CRYBG1: variants seen among roughly 807,000 people sequenced by gnomAD.
CRYBG1 encodes beta/gamma crystallin domain-containing protein 1.
A neutral mutation model predicts 189.2 loss-of-function variants in CRYBG1; 139 were observed. The observed-to-expected ratio is 0.73, with a 90% CI of 0.64 to 0.85. CRYBG1 has a LOEUF of 0.85. Ranked by LOEUF, CRYBG1 falls within the 40% of genes least tolerant of loss-of-function variation. The pLI, the probability that CRYBG1 is intolerant of heterozygous loss-of-function variation, is 0.00. For missense variants in CRYBG1, 2,611 were observed against 2,675.8 expected, an observed-to-expected ratio of 0.98 and a Z score of 0.53; for synonymous variants, 1,023 against 1,017.1, an observed-to-expected ratio of 1.01 and a Z score of -0.11.
chr6:106,521,709 A>ATTTTTT (rs1430149241), intron 4 of CRYBG1, among the ~76,000 whole-genome samples: 3 of 82,248 alleles, frequency 3.6e-5, no homozygotes, highest in African/African-American at 1.4e-4. Flanking sequence ...AAGGCACATG[A>ATTTTTT]TCTTTTTTTT....
Position 106,517,481 on chromosome 6 carries a change from TATAC to T in CRYBG1, c.1923-1648_1923-1645del, listed in dbSNP as rs1562099321. ...ATATATATACACACACACATATATA[TATAC>T]ACACACACACACATATATATATATA... is the stretch of plus-strand genomic sequence containing the variant. On this transcript the variant is annotated intron_variant, in intron 3 of 21. Coordinates refer to ENST00000633556, the MANE Select transcript of CRYBG1 (RefSeq NM_001371242.2). 4.1e-5 allele frequency among the ~76,000 whole-genome samples: 6 copies of T among 147,992 alleles called. No homozygotes were observed. In the East Asian group the frequency reaches 1.4e-3, roughly 35 times the overall value.
Position 106,552,221 on chromosome 6 carries a change from CTT to C in CRYBG1, c.5472+7_5472+8del. ...GGCCCAAGGAGACGAAATCAGGTAA[CTT>C]TAAAAATATTCTTTTATATTAATAT... On this transcript the variant is annotated splice_donor_region_variant and intron_variant, in intron 15 of 21. Transcript: ENST00000633556. The C allele has an allele frequency of 3.3e-6, 5 of 1,538,236 alleles. No individual in the cohort carries two copies. Among genetic ancestry groups the C allele is most frequent in the Non-Finnish European group, 4.4e-6 (5 of 1,131,362 alleles).
Position 106,530,179 on chromosome 6 carries a change from TACAGAGTTAGTC to T in CRYBG1, c.4586_4597del (p.Arg1529_His1532del). ...CTATGCATCTATATTTTTTCAGGAT[TACAGAGTTAGTC>T]ACATTGACTTATTTACTGAACCAGA... On this transcript the variant is annotated inframe_deletion, in exon 8 of 22. Transcript: ENST00000633556. The T allele has an allele frequency of 5.0e-6, 8 of 1,609,950 alleles. No homozygotes were observed. The highest frequency in any genetic ancestry group is 4.2e-6 in the Non-Finnish European group (5 of 1,177,878).
intron 1 of CRYBG1, among the ~76,000 whole-genome samples, chr6:106,397,844 T>G (rs1040001041): frequency 4.6e-5 from 7 of 152,158 alleles, no homozygotes; most frequent in Non-Finnish European, 8.8e-5. Flanking sequence ...AATCCTATAT[T>G]TTTACCTTTT....
chr6:106,485,160 CT>C (rs1772571384), intron 2 of CRYBG1, among the ~76,000 whole-genome samples: 1 of 151,916 alleles, frequency 6.6e-6, no homozygotes, highest in African/African-American at 2.4e-5. Flanking sequence ...TTGTGTTCTT[CT>C]TCAATTTCTT....
intron 1 of CRYBG1, among the ~76,000 whole-genome samples, chr6:106,441,351 G>A (rs1771563758): frequency 6.6e-6 from 1 of 152,102 alleles, no homozygotes; most frequent in African/African-American, 2.4e-5. Context: ...ATGGAGAGCA[G>A]GGATACTGTG....
intron 2 of CRYBG1, among the ~76,000 whole-genome samples, chr6:106,453,879 A>T (rs182766153): frequency 2.0e-5 from 3 of 152,316 alleles, no homozygotes; most frequent in Admixed American, 6.5e-5. Context: ...GAAGCCGCAG[A>T]TGAACTGGGA....
At chr6:106,559,621 TA>T (rs1338479381) in intron 18 of CRYBG1, among the ~76,000 whole-genome samples, 57 of 151,848 alleles carry the variant, frequency 3.8e-4, no homozygotes, top group African/African-American at 1.2e-3. Context: ...CTGTCTCTAC[TA>T]AAAAATACAA....
At chr6:106,488,866 G>A (rs1772652465) in intron 2 of CRYBG1, among the ~76,000 whole-genome samples, 1 of 152,170 alleles carries the variant, frequency 6.6e-6, no homozygotes, top group East Asian at 1.9e-4. Flanking sequence ...GGATGGATTG[G>A]TGGAAGGCAG....
intron 1 of CRYBG1, among the ~76,000 whole-genome samples, chr6:106,361,630 C>A (rs1771871113): frequency 6.6e-6 from 1 of 152,148 alleles, no homozygotes; most frequent in African/African-American, 2.4e-5. Context: ...ATGGCTTCTC[C>A]CCATTGGAGC....
At chr6:106,416,946 T>C (rs1771032315) in intron 1 of CRYBG1, among the ~76,000 whole-genome samples, 1 of 151,768 alleles carries the variant, frequency 6.6e-6, no homozygotes, top group African/African-American at 2.4e-5. Flanking sequence ...TTGAATTGTT[T>C]TACATTGAGT....
chr6:106,552,324 G>A (rs537982146), intron 15 of CRYBG1, 108 bp downstream of exon 15: 37 of 763,460 alleles, frequency 4.8e-5, no homozygotes, highest in South Asian at 3.6e-4. Context: ...GGTGGCTCAC[G>A]CCTGTAATCC....
intron 1 of CRYBG1, among the ~76,000 whole-genome samples, chr6:106,443,041 ACACT>A (rs1339771659): frequency 2.0e-5 from 3 of 152,194 alleles, no homozygotes; most frequent in Non-Finnish European, 4.4e-5. Context: ...GCTGCAGGAG[ACACT>A]CAGTAGCAGA....
At chr6:106,502,808 G>A (rs1773036526) in intron 2 of CRYBG1, among the ~76,000 whole-genome samples, 1 of 146,740 alleles carries the variant, frequency 6.8e-6, no homozygotes, top group African/African-American at 2.4e-5. Flanking sequence ...TTTTAAGGAA[G>A]CCAAGAAGGG....
intron 1 of CRYBG1, among the ~76,000 whole-genome samples, chr6:106,397,344 A>G (rs529158795): frequency 6.6e-6 from 1 of 152,220 alleles, no homozygotes; most frequent in African/African-American, 2.4e-5. Context: ...CATGCTTATT[A>G]TAATGAATTA....
At chr6:106,440,453 G>A (rs747292445) in intron 1 of CRYBG1, among the ~76,000 whole-genome samples, 12 of 152,038 alleles carry the variant, frequency 7.9e-5, no homozygotes, top group Non-Finnish European at 1.8e-4. Context: ...TTTTGGTAGA[G>A]GCAGGGTTTC....
At chr6:106,537,075 C>T (rs1014502029) in intron 8 of CRYBG1, among the ~76,000 whole-genome samples, 4 of 152,288 alleles carry the variant, frequency 2.6e-5, no homozygotes, top group East Asian at 3.9e-4. Flanking sequence ...TTCATGTTTT[C>T]GGTTTTTTCA....
intron 1 of CRYBG1, among the ~76,000 whole-genome samples, chr6:106,418,948 A>C (rs987616847): frequency 6.6e-6 from 1 of 152,214 alleles, no homozygotes; most frequent in Non-Finnish European, 1.5e-5. Flanking sequence ...GGGCCTAAAG[A>C]TTGGCTGGAC....
intron 1 of CRYBG1, among the ~76,000 whole-genome samples, chr6:106,374,662 A>C (rs564952604): frequency 3.5e-4 from 54 of 152,364 alleles, no homozygotes; most frequent in African/African-American, 1.3e-3. Flanking sequence ...TTACTGCTAA[A>C]GGAATTCCAG....
Sources: allele counts gnomAD v4.1 joint callset (sites outside exome capture counted in the v4.1 genomes callset), GRCh38; gene constraint gnomAD v4.1.1; transcripts MANE v1.5; gene names NCBI Gene and HGNC (gene_info 2026-07-23, HGNC 2026-07-21).